TDP1: variants seen among roughly 807,000 people sequenced by gnomAD.
TDP1 encodes tyr-DNA phosphodiesterase 1.
A neutral mutation model predicts 81.5 loss-of-function variants in TDP1; 64 were observed. The observed-to-expected ratio is 0.79, with a 90% confidence interval of 0.64 to 0.97. The LOEUF is 0.97. Ranked by LOEUF, TDP1 falls within the 50% of genes least tolerant of loss-of-function variation. The probability of loss-of-function intolerance (pLI) is 0.00; values close to 1 mark genes in which losing one functional copy is unlikely to be tolerated. For synonymous variants in TDP1, 256 were observed against 264.3 expected (o/e 0.97, Z 0.30); for missense variants, 723 against 743.8 (o/e 0.97, Z 0.33).
intron 14 of TDP1, among the ~76,000 whole-genome samples, chr14:89,999,203 A>G (rs1258903969): frequency 1.3e-5 from 2 of 152,230 alleles, no homozygotes; most frequent in Non-Finnish European, 2.9e-5. Context: ...TGAAAGCTGA[A>G]AAAAATGCCT....
intron 3 of TDP1, chr14:89,965,812 G>A (rs1892874531): frequency 3.0e-6 from 3 of 984,890 alleles, no homozygotes; most frequent in Non-Finnish European, 2.4e-6. Flanking sequence ...ACTTGAATGG[G>A]TACTTGGAGG....
At chr14:90,023,078 G>A (rs759400539) in intron 15 of TDP1, 2 of 706,224 alleles carry the variant, frequency 2.8e-6, no homozygotes, top group Non-Finnish European at 5.0e-6. Context: ...TCGTTCTCTG[G>A]TAACGCATGG....
intron 16 of TDP1, among the ~76,000 whole-genome samples, chr14:90,036,650 C>T (rs1887843785): frequency 6.6e-6 from 1 of 152,102 alleles, no homozygotes; most frequent in South Asian, 2.1e-4. Flanking sequence ...ATATTGAGAG[C>T]CTATTGTGTG....
chr14:90,040,651 C>T (rs1169479229), intron 16 of TDP1, among the ~76,000 whole-genome samples: 5 of 152,218 alleles, frequency 3.3e-5, no homozygotes, highest in Non-Finnish European at 5.9e-5. Context: ...GTTTTAAATA[C>T]GTGCATGAAT....
At chr14:90,022,856 C>A in intron 15 of TDP1, 1 of 644,720 alleles carries the variant, frequency 1.6e-6, no homozygotes, top group Non-Finnish European at 1.9e-6. Context: ...TGAGTTTATA[C>A]GTGCACAGGA....
intron 2 of TDP1, among the ~76,000 whole-genome samples, chr14:89,961,641 A>T (rs1236615155): frequency 6.6e-6 from 1 of 152,142 alleles, no homozygotes. Flanking sequence ...CTGAGCTCCC[A>T]TCTCATCATG....
chr14:89,960,257 G>A (rs1892168195), intron 2 of TDP1, among the ~76,000 whole-genome samples: 1 of 152,082 alleles, frequency 6.6e-6, no homozygotes, highest in South Asian at 2.1e-4. Context: ...AACACTAGAG[G>A]AACCTAAGGT....
At chr14:90,032,948 G>A (rs1887448306) in intron 15 of TDP1, 158 bp from the exon 16 acceptor site, 2 of 777,894 alleles carry the variant, frequency 2.6e-6, no homozygotes, top group Non-Finnish European at 3.1e-6. Flanking sequence ...CGGGGGGGTT[G>A]TAAATATATT....
chr14:89,989,965 C>T (rs1318536312), intron 12 of TDP1, among the ~76,000 whole-genome samples, 200 bp downstream of exon 12: 18 of 152,146 alleles, frequency 1.2e-4, no homozygotes, highest in Admixed American at 1.2e-3. Flanking sequence ...CTTACAGAAA[C>T]CCTCTGCACA....
At chr14:89,983,017 G>A in intron 8 of TDP1, 1 of 422,056 alleles carries the variant, frequency 2.4e-6, no homozygotes, top group South Asian at 1.7e-5. Flanking sequence ...AAATTATTTG[G>A]CTCATTATAA....
intron 14 of TDP1, among the ~76,000 whole-genome samples, chr14:90,006,513 G>A (rs1479141231): frequency 6.6e-6 from 1 of 151,974 alleles, no homozygotes; most frequent in Non-Finnish European, 1.5e-5. Context: ...CCAAGTAGCT[G>A]GGACTACAGG....
intron 2 of TDP1, among the ~76,000 whole-genome samples, chr14:89,962,646 T>C (rs1193939748): frequency 6.6e-6 from 1 of 152,026 alleles, no homozygotes; most frequent in Non-Finnish European, 1.5e-5. Flanking sequence ...GGTGGATCTC[T>C]TGAGTCCAGG....
intron 4 of TDP1, 91 bp from the exon 5 acceptor site, chr14:89,967,276 T>G (rs967836999): frequency 7.1e-7 from 1 of 1,407,752 alleles, no homozygotes; most frequent in Non-Finnish European, 1.0e-6. Context: ...TATTTTAGAG[T>G]TTCCTTAAAT....
At chr14:90,021,096 T>C (rs375115157) in intron 15 of TDP1, among the ~76,000 whole-genome samples, 1 of 152,078 alleles carries the variant, frequency 6.6e-6, no homozygotes, top group East Asian at 1.9e-4. Context: ...AATCCAGTCT[T>C]AAGGCACGCT....
chr14:90,041,719 A>ATGG (rs1189334095), intron 16 of TDP1, among the ~76,000 whole-genome samples: 1 of 152,224 alleles, frequency 6.6e-6, no homozygotes, highest in Non-Finnish European at 1.5e-5. Flanking sequence ...AACACTTACC[A>ATGG]AGACAATAAT....
intron 14 of TDP1, among the ~76,000 whole-genome samples, chr14:89,998,388 A>G (rs1458923564): frequency 3.0e-5 from 2 of 66,952 alleles, no homozygotes; most frequent in African/African-American, 8.4e-5. Flanking sequence ...ATATATATAT[A>G]TATATATATA....
intron 5 of TDP1, chr14:89,970,822 T>C: frequency 1.2e-6 from 1 of 844,292 alleles, no homozygotes; most frequent in Non-Finnish European, 1.4e-6. Context: ...GAATGATGTA[T>C]TTTAATTAAT....
chr14:89,958,464 C>G (rs1469373118), intron 2 of TDP1: 1 of 152,302 alleles, frequency 6.6e-6, no homozygotes, highest in Non-Finnish European at 1.5e-5. Flanking sequence ...GGCCCCTGCC[C>G]TGACCCCAAG....
chr14:89,971,302 C>T (rs201781528), intron 6 of TDP1, 31 bp downstream of exon 6: 10 of 1,540,558 alleles, frequency 6.5e-6, no homozygotes, highest in East Asian at 2.2e-5. Flanking sequence ...GGAGAGCACG[C>T]GTAGTCTGAG....
Sources: gnomAD v4.1 joint callset for allele counts (sites outside exome capture counted in the v4.1 genomes callset) on GRCh38, gnomAD v4.1.1 for gene constraint, MANE v1.5 for transcripts, NCBI Gene and HGNC (gene_info 2026-07-23, HGNC 2026-07-21) for gene names.